Variants in ATP8B4 observed in about 807,000 individuals in gnomAD.
ATP8B4 encodes probable phospholipid-transporting ATPase IM.
A neutral mutation model predicts 145.6 loss-of-function variants in ATP8B4; 133 were observed. That is an observed-to-expected ratio of 0.91 (90% CI 0.79 to 1.05). The LOEUF is 1.05. ATP8B4 is among the 50% of genes least tolerant of loss of function. The pLI, the probability that ATP8B4 is intolerant of heterozygous loss-of-function variation, is 0.00. For missense variants in ATP8B4, 1,458 were observed against 1,425.2 expected, an observed-to-expected ratio of 1.02 and a Z score of -0.37; for synonymous variants, 507 against 492.9, an observed-to-expected ratio of 1.03 and a Z score of -0.38.
intron 5 of ATP8B4, among the ~76,000 whole-genome samples, chr15:50,040,720 T>C (rs527288973): frequency 2.4e-4 from 37 of 152,282 alleles, no homozygotes; most frequent in African/African-American, 8.9e-4. Flanking sequence ...TGCTCAGGTT[T>C]TACCAACAGG....
chr15:49,889,683 C>T (rs556099033), intron 23 of ATP8B4, among the ~76,000 whole-genome samples: 2 of 152,314 alleles, frequency 1.3e-5, no homozygotes, highest in African/African-American at 4.8e-5. Flanking sequence ...GGGGCATTGG[C>T]TGGAATCTGC....
At chr15:50,037,314 C>G (rs1337905636) in intron 6 of ATP8B4, among the ~76,000 whole-genome samples, 1 of 152,208 alleles carries the variant, frequency 6.6e-6, no homozygotes, top group Non-Finnish European at 1.5e-5. Context: ...ACAGTCAGAA[C>G]TTTCAGACTT....
intron 3 of ATP8B4, among the ~76,000 whole-genome samples, chr15:50,059,527 T>C (rs1489123959): frequency 3.3e-5 from 5 of 152,146 alleles, no homozygotes; most frequent in African/African-American, 7.2e-5. Flanking sequence ...CTTGAATGAA[T>C]GAATGAATGA....
At chr15:50,031,094 T>C (rs530917285) in intron 6 of ATP8B4, among the ~76,000 whole-genome samples, 2 of 152,352 alleles carry the variant, frequency 1.3e-5, no homozygotes, top group South Asian at 4.1e-4. Flanking sequence ...GCACTATTAC[T>C]GTAAGTTGAA....
chr15:50,054,236 C>T (rs2052409134), intron 3 of ATP8B4, among the ~76,000 whole-genome samples: 2 of 152,152 alleles, frequency 1.3e-5, no homozygotes, highest in Non-Finnish European at 2.9e-5. Context: ...TCATCAGATA[C>T]TCATAACGGA....
chr15:49,904,012 C>G (rs1372558581), intron 20 of ATP8B4, among the ~76,000 whole-genome samples: 1 of 152,136 alleles, frequency 6.6e-6, no homozygotes, highest in African/African-American at 2.4e-5. Context: ...ACCTGGAAAC[C>G]TGGGTTCAGA....
Position 49,876,408 on chromosome 15 carries a change from G to A in ATP8B4, c.2897C>T (p.Ser966Leu), listed in dbSNP as rs372149438. 2.5e-6 allele frequency: 4 copies of A among 1,614,000 alleles called. No individual in the cohort carries two copies. In the African/African-American group the frequency reaches 5.3e-5, roughly 22 times the overall value. ...FICVLHGIYT[S>L]LVLFFIPYGA... ...ATAGGGGATGAAGAAAAGGACTAAT[G>A]AGGTGTAGATTCCATGCAACACGCA... The change falls in exon 25 of 28, where the codon TCA becomes TTA. Residue 966 changes from serine to leucine, a missense_variant. Ser to Leu is a moderately radical substitution (Grantham distance 145, BLOSUM62 -2). Transcript: ENST00000284509.
At chr15:49,913,805 A>G (rs1349332184) in intron 20 of ATP8B4, among the ~76,000 whole-genome samples, 2 of 152,222 alleles carry the variant, frequency 1.3e-5, no homozygotes, top group Admixed American at 1.3e-4. Context: ...ACTTAAGGAT[A>G]AATTTAACCA....
At chr15:50,175,776 G>A (rs1438941263) in intron 1 of ATP8B4, among the ~76,000 whole-genome samples, 1 of 152,158 alleles carries the variant, frequency 6.6e-6, no homozygotes, top group African/African-American at 2.4e-5. Flanking sequence ...CAGCCACTAT[G>A]GAAAACAGTG....
chr15:49,941,009 T>C (rs1385888959), intron 14 of ATP8B4, among the ~76,000 whole-genome samples: 2 of 152,030 alleles, frequency 1.3e-5, no homozygotes, highest in African/African-American at 4.8e-5. Context: ...GGGAAATTAA[T>C]AGAACCCAAG....
At chr15:50,064,860 G>T (rs72734870) in intron 3 of ATP8B4, among the ~76,000 whole-genome samples, 3 of 121,660 alleles carry the variant, frequency 2.5e-5, no homozygotes, top group South Asian at 2.4e-4. Context: ...AAAAGGGAGA[G>T]GGAGGAGGTG....
intron 1 of ATP8B4, among the ~76,000 whole-genome samples, chr15:50,129,307 C>T (rs2057328856): frequency 6.6e-6 from 1 of 152,162 alleles, no homozygotes; most frequent in South Asian, 2.1e-4. Flanking sequence ...GATTCTCTCA[C>T]AGTTCTAGAG....
intron 1 of ATP8B4, among the ~76,000 whole-genome samples, chr15:50,137,212 A>G (rs1292071595): frequency 6.6e-6 from 1 of 152,236 alleles, no homozygotes; most frequent in African/African-American, 2.4e-5. Flanking sequence ...TCATCCAACA[A>G]GGATCTATTA....
At position 50,139,092 on chromosome 15, in the gene ATP8B4, T is replaced by C. The variant is rs1056681095; in HGVS notation, c.-42-32084A>G. 2.6e-5 allele frequency among the ~76,000 whole-genome samples: 4 copies of C among 152,334 alleles called. No homozygotes were observed. In the East Asian group the frequency reaches 5.8e-4, roughly 22 times the overall value. On this transcript the variant is annotated intron_variant, in intron 1 of 3. Transcript: ENST00000558829. ...CCCAGCAATCCCATTGCTGGGTATATACCCAAAGGATTATAAATCATTGTA... is the reference window on the plus strand; with the variant it reads ...CCCAGCAATCCCATTGCTGGGTATACACCCAAAGGATTATAAATCATTGTA...
At position 50,002,210 on chromosome 15, in the gene ATP8B4, A is replaced by T. The variant is rs201434083; in HGVS notation, c.449T>A (p.Leu150His). The change falls in exon 8 of 28, where the codon CTC becomes CAC. Residue 150 changes from leucine to histidine, a missense_variant. Leu to His is a moderately conservative substitution (Grantham distance 99, BLOSUM62 -3). Coordinates refer to ENST00000284509, the MANE Select transcript of ATP8B4 (RefSeq NM_024837.4). ...ACCATGTGGCTCACTACTTGATAGG[A>T]GAAGTAAATCAGCCTATTTTCAAAA... ...NNQFVAADLLLLSSSEPHGLC... is the reference protein window; with the variant it reads ...NNQFVAADLLHLSSSEPHGLC... The T allele has an allele frequency of 1.9e-6, 3 of 1,610,244 alleles. No homozygotes were observed. In the South Asian group the frequency reaches 3.3e-5, roughly 18 times the overall value.
intron 3 of ATP8B4, among the ~76,000 whole-genome samples, chr15:50,063,958 C>T (rs543509550): frequency 3.6e-4 from 55 of 152,094 alleles, no homozygotes; most frequent in African/African-American, 1.3e-3. Context: ...GGAAAAATTA[C>T]CTAATGATTA....
At chr15:50,126,896 C>T (rs919696739) in intron 1 of ATP8B4, among the ~76,000 whole-genome samples, 2 of 152,138 alleles carry the variant, frequency 1.3e-5, no homozygotes, top group Non-Finnish European at 2.9e-5. Context: ...AAAACACCAT[C>T]CACTGGCACA....
intron 1 of ATP8B4, among the ~76,000 whole-genome samples, chr15:50,180,726 C>T (rs1392583834): frequency 2.0e-5 from 3 of 152,116 alleles, no homozygotes; most frequent in Non-Finnish European, 4.4e-5. Context: ...ACTGCTTTCT[C>T]CTCAGGGATG....
intron 15 of ATP8B4, among the ~76,000 whole-genome samples, chr15:49,933,224 G>GA (rs2041423617): frequency 1.3e-5 from 2 of 151,946 alleles, no homozygotes; most frequent in Admixed American, 1.3e-4. Context: ...TTAGATATTG[G>GA]AAGTATCAGA....
Sources: allele counts gnomAD v4.1 joint callset (sites outside exome capture counted in the v4.1 genomes callset), GRCh38; gene constraint gnomAD v4.1.1; transcripts MANE v1.5; gene names NCBI Gene and HGNC (gene_info 2026-07-23, HGNC 2026-07-21).